Variants in MGAT4C observed in about 807,000 individuals in gnomAD.
MGAT4C encodes the protein alpha-1,3-mannosyl-glycoprotein 4-beta-N-acetylglucosaminyltransferase C.
A neutral mutation model predicts 40.1 loss-of-function variants in MGAT4C; 19 were observed. The observed-to-expected ratio is 0.47, with a 90% CI of 0.33 to 0.70. MGAT4C has a LOEUF of 0.70. Ranked by LOEUF, MGAT4C falls within the 30% of genes least tolerant of loss-of-function variation. The probability of loss-of-function intolerance (pLI) is 0.02; values close to 1 mark genes in which losing one functional copy is unlikely to be tolerated. For missense variants in MGAT4C, 491 were observed against 563.2 expected (o/e 0.87, Z 1.30); for synonymous variants, 181 against 187.1 (o/e 0.97, Z 0.27).
upstream of MGAT4C, among the ~76,000 whole-genome samples, chr12:86,260,901 AT>A: frequency 6.6e-6 from 1 of 152,152 alleles, no homozygotes; most frequent in South Asian, 2.1e-4. Context: ...TATAATAAAA[AT>A]ATCTTTGAAA....
chr12:86,332,145 A>C (rs139813380), intron 4 of MGAT4C, among the ~76,000 whole-genome samples: 1 of 152,150 alleles, frequency 6.6e-6, no homozygotes, highest in Non-Finnish European at 1.5e-5. Context: ...GAACAATTTT[A>C]AATTATAAAA....
chr12:86,010,250 A>C (rs1224065720), intron 2 of MGAT4C, among the ~76,000 whole-genome samples: 1 of 152,228 alleles, frequency 6.6e-6, no homozygotes, highest in African/African-American at 2.4e-5. Context: ...GTTAGAAAAC[A>C]GGACTAATGA....
intron 2 of MGAT4C, among the ~76,000 whole-genome samples, chr12:86,512,805 A>G (rs1372466873): frequency 6.6e-6 from 1 of 152,080 alleles, no homozygotes; most frequent in African/African-American, 2.4e-5. Flanking sequence ...TTTCTGTTCA[A>G]TGGATAGAAA....
intron 3 of MGAT4C, among the ~76,000 whole-genome samples, chr12:86,372,991 T>C (rs1281748953): frequency 6.6e-6 from 1 of 150,792 alleles, no homozygotes; most frequent in Admixed American, 6.6e-5. Flanking sequence ...TAATTACATA[T>C]ATGAATAATC....
intron 1 of MGAT4C, among the ~76,000 whole-genome samples, chr12:86,154,305 G>A (rs1884651012): frequency 6.6e-6 from 1 of 152,156 alleles, no homozygotes; most frequent in Non-Finnish European, 1.5e-5. Flanking sequence ...CCCGGGCTTT[G>A]TTTCAGTCTA....
At chr12:86,785,446 T>G (rs1327490115) in intron 1 of MGAT4C, among the ~76,000 whole-genome samples, 2 of 152,014 alleles carry the variant, frequency 1.3e-5, no homozygotes, top group East Asian at 3.9e-4. Flanking sequence ...GAAATTAAAT[T>G]CCTGTCTTGA....
At chr12:86,523,186 T>C (rs181418007) in intron 2 of MGAT4C, among the ~76,000 whole-genome samples, 1 of 152,168 alleles carries the variant, frequency 6.6e-6, no homozygotes, top group African/African-American at 2.4e-5. Context: ...GATGTTAGGT[T>C]GCTAAATTGA....
chr12:86,521,155 C>A (rs1399629686), intron 2 of MGAT4C, among the ~76,000 whole-genome samples: 1 of 151,994 alleles, frequency 6.6e-6, no homozygotes, highest in Non-Finnish European at 1.5e-5. Context: ...GTTCCTGTGC[C>A]CAAAATGGTA....
At chr12:86,358,373 A>G (rs1039486265) in intron 3 of MGAT4C, among the ~76,000 whole-genome samples, 2 of 152,228 alleles carry the variant, frequency 1.3e-5, no homozygotes, top group Admixed American at 1.3e-4. Context: ...CTGCAAAAAC[A>G]TGCCAAATTG....
chr12:86,450,008 C>T lies in MGAT4C; in HGVS notation c.-228-14743G>A, dbSNP rs113080229. ...ACTGAATTGCACCCTTTAAAATAGTCAATTATATGTCATGTGATTTTGTCC... is the reference window on the plus strand; with the variant it reads ...ACTGAATTGCACCCTTTAAAATAGTTAATTATATGTCATGTGATTTTGTCC... On this transcript the variant is annotated intron_variant, in intron 2 of 7. Coordinates refer to the MGAT4C transcript ENST00000548651. Among the ~76,000 whole-genome samples the T allele has an allele frequency of 6.7e-3, 1,019 of 152,164 alleles. 10 individuals are homozygous for T. The highest frequency in any genetic ancestry group is 0.023 in the African/African-American group (972 of 41,524).
chr12:86,001,319 C>T (rs564628810), intron 2 of MGAT4C, among the ~76,000 whole-genome samples: 2 of 152,300 alleles, frequency 1.3e-5, no homozygotes, highest in Non-Finnish European at 2.9e-5. Context: ...ATCTCTTTCT[C>T]CTACTTCAAT....
intron 1 of MGAT4C, among the ~76,000 whole-genome samples, chr12:86,099,050 T>C (rs1204624679): frequency 1.3e-5 from 2 of 151,466 alleles, no homozygotes; most frequent in African/African-American, 2.4e-5. Flanking sequence ...TGTATTATAA[T>C]TCATTTATAA....
At chr12:86,814,313 CGTATATAT>C (rs1952549479) in intron 1 of MGAT4C, among the ~76,000 whole-genome samples, 1 of 1,602 alleles carries the variant, frequency 6.2e-4, no homozygotes, top group African/African-American at 4.8e-3. Context: ...TATATATATA[CGTATATAT>C]ACATATACGT....
intron 2 of MGAT4C, among the ~76,000 whole-genome samples, chr12:86,674,569 C>A (rs1378487665): frequency 6.6e-6 from 1 of 151,998 alleles, no homozygotes; most frequent in Admixed American, 6.6e-5. Context: ...TGGTGTCAGG[C>A]ACGTGTAATC....
chr12:86,194,374 T>A (rs577362307), intron 1 of MGAT4C, among the ~76,000 whole-genome samples: 1 of 152,270 alleles, frequency 6.6e-6, no homozygotes, highest in African/African-American at 2.4e-5. Flanking sequence ...AGAAAGGTAA[T>A]CTGAGATTTT....
intron 3 of MGAT4C, among the ~76,000 whole-genome samples, chr12:86,414,343 A>G (rs1055437881): frequency 4.6e-5 from 7 of 152,172 alleles, no homozygotes; most frequent in African/African-American, 1.7e-4. Context: ...AAAGAAAAAT[A>G]CATTTTTGTT....
chr12:86,609,164 T>A (rs996655053), intron 2 of MGAT4C, among the ~76,000 whole-genome samples: 29 of 152,166 alleles, frequency 1.9e-4, no homozygotes, highest in African/African-American at 7.0e-4. Context: ...GAATACAGCA[T>A]TATTTGTTAG....
chr12:86,589,962 A>G (rs543839680), intron 2 of MGAT4C, among the ~76,000 whole-genome samples: 1 of 152,142 alleles, frequency 6.6e-6, no homozygotes, highest in East Asian at 1.9e-4. Flanking sequence ...ACAATACAAA[A>G]TACAAAATGT....
chr12:86,606,462 T>C (rs1342415505), intron 2 of MGAT4C, among the ~76,000 whole-genome samples: 1 of 152,160 alleles, frequency 6.6e-6, no homozygotes, highest in Non-Finnish European at 1.5e-5. Flanking sequence ...TGCCATATTC[T>C]TCTATCACTC....
Sources: allele counts gnomAD v4.1 joint callset (sites outside exome capture counted in the v4.1 genomes callset), GRCh38; gene constraint gnomAD v4.1.1; transcripts MANE v1.5; gene names NCBI Gene and HGNC (gene_info 2026-07-23, HGNC 2026-07-21).